The following ARHGAP42 variants were observed in gnomAD, a reference collection of about 807,000 sequenced individuals.
The protein encoded by ARHGAP42 is rho GTPase-activating protein 42.
ARHGAP42 carries 63 observed loss-of-function variants against 125.0 expected under a neutral mutation model. That is an observed-to-expected ratio of 0.50 (90% CI 0.41 to 0.62). The LOEUF is 0.62. Ranked by LOEUF, ARHGAP42 falls within the 20% of genes least tolerant of loss-of-function variation. The pLI, the probability that ARHGAP42 is intolerant of heterozygous loss-of-function variation, is 0.00. For synonymous variants in ARHGAP42, 339 were observed against 351.0 expected, an observed-to-expected ratio of 0.97 and a Z score of 0.38; for missense variants, 766 against 1,024.2, an observed-to-expected ratio of 0.75 and a Z score of 3.44.
rs1862847629 is a variant in ARHGAP42 at position 100,767,109 on chromosome 11, TCC to T, written c.155-3233_155-3232del. 2.0e-5 allele frequency among the ~76,000 whole-genome samples: 3 copies of T among 152,214 alleles called. No homozygotes were observed. In the South Asian group the frequency reaches 6.2e-4, roughly 32 times the overall value. ...GAGCACTTTCCAAGGTTATGTAAGC[TCC>T]AAGAGTTGCCATCTTCATAACTGAA... On this transcript the variant is annotated intron_variant, in intron 1 of 23. Coordinates refer to ENST00000298815, the MANE Select transcript of ARHGAP42 (RefSeq NM_152432.4).
At chr11:100,970,045 G>C (rs1858198660) in intron 17 of ARHGAP42, among the ~76,000 whole-genome samples, 1 of 151,900 alleles carries the variant, frequency 6.6e-6, no homozygotes, top group Non-Finnish European at 1.5e-5. Context: ...CTGGAGTGCA[G>C]TGGTACAATC....
intron 4 of ARHGAP42, among the ~76,000 whole-genome samples, chr11:100,867,869 T>C (rs887019246): frequency 4.6e-5 from 7 of 152,172 alleles, no homozygotes; most frequent in Non-Finnish European, 1.0e-4. Context: ...GAAGCCATTG[T>C]ACGGTTACTA....
chr11:100,968,565 C>A (rs1858158230), intron 17 of ARHGAP42, among the ~76,000 whole-genome samples: 1 of 152,090 alleles, frequency 6.6e-6, no homozygotes, highest in Non-Finnish European at 1.5e-5. Context: ...TCCCAACAAT[C>A]CATTGTTATA....
chr11:100,834,799 A>G (rs1030939672), intron 3 of ARHGAP42, among the ~76,000 whole-genome samples: 17 of 150,880 alleles, frequency 1.1e-4, no homozygotes, highest in Admixed American at 1.1e-3. Flanking sequence ...GCCATAATCC[A>G]TTATGGGGCC....
chr11:100,909,964 A>G (rs1343486685), intron 4 of ARHGAP42, among the ~76,000 whole-genome samples: 1 of 152,204 alleles, frequency 6.6e-6, no homozygotes, highest in African/African-American at 2.4e-5. Flanking sequence ...AGTTTGTGTT[A>G]CAGTAGTTTC....
intron 1 of ARHGAP42, among the ~76,000 whole-genome samples, chr11:100,688,411 T>C (rs887257865): frequency 1.3e-5 from 2 of 152,224 alleles, no homozygotes; most frequent in African/African-American, 4.8e-5. Context: ...GTCTTAGTTT[T>C]GGTTTGCATT....
chr11:100,807,633 C>T (rs1342237064), intron 3 of ARHGAP42, among the ~76,000 whole-genome samples: 2 of 152,182 alleles, frequency 1.3e-5, no homozygotes, highest in African/African-American at 4.8e-5. Flanking sequence ...TTGGGGCTTG[C>T]AGCTCATTGT....
intron 5 of ARHGAP42, among the ~76,000 whole-genome samples, chr11:100,913,772 A>G (rs142777496): frequency 7.9e-4 from 121 of 152,340 alleles, no homozygotes; most frequent in African/African-American, 2.7e-3. Context: ...AAAGGTTGAA[A>G]CAAGATCTTT....
chr11:100,691,273 T>C (rs529371057), intron 1 of ARHGAP42, among the ~76,000 whole-genome samples: 1 of 146,028 alleles, frequency 6.8e-6, no homozygotes, highest in African/African-American at 2.6e-5. Context: ...ATTTGAGCTG[T>C]GAAAAAGTAG....
At chr11:100,820,139 T>A (rs2135074598) in intron 3 of ARHGAP42, among the ~76,000 whole-genome samples, 1 of 152,294 alleles carries the variant, frequency 6.6e-6, no homozygotes, top group African/African-American at 2.4e-5. Context: ...TAATTACTAA[T>A]GGAGTGTGAT....
chr11:100,774,822 C>T (rs6590822), intron 2 of ARHGAP42, among the ~76,000 whole-genome samples: 4,520 of 152,286 alleles, frequency 0.03, 243 homozygotes, highest in African/African-American at 0.1. Flanking sequence ...TCTGTCCCAA[C>T]GCTTCACTGG....
intron 10 of ARHGAP42, among the ~76,000 whole-genome samples, chr11:100,945,885 C>A (rs906620900): frequency 3.3e-5 from 5 of 152,058 alleles, no homozygotes; most frequent in African/African-American, 1.2e-4. Context: ...TAACCTCTAA[C>A]AAGAGTCAGC....
chr11:100,872,640 G>A (rs532758640), intron 4 of ARHGAP42, among the ~76,000 whole-genome samples: 4 of 152,122 alleles, frequency 2.6e-5, no homozygotes, highest in East Asian at 3.9e-4. Flanking sequence ...TGATTTGTCC[G>A]CCTCAGCCTC....
intron 1 of ARHGAP42, among the ~76,000 whole-genome samples, chr11:100,727,896 A>G (rs1284558174): frequency 6.6e-6 from 1 of 152,160 alleles, no homozygotes; most frequent in African/African-American, 2.4e-5. Flanking sequence ...AGAAGTGTGG[A>G]TAACCTAAGG....
chr11:100,689,520 C>T (rs61908742), intron 1 of ARHGAP42, among the ~76,000 whole-genome samples: 22,273 of 152,182 alleles, frequency 0.15, 1,982 homozygotes, highest in Middle Eastern at 0.2. Flanking sequence ...CATTATATTA[C>T]GAGTGACATT....
At chr11:100,922,168 A>T (rs1363882247) in intron 6 of ARHGAP42, among the ~76,000 whole-genome samples, 1 of 152,206 alleles carries the variant, frequency 6.6e-6, no homozygotes, top group Non-Finnish European at 1.5e-5. Context: ...TGACCCATTT[A>T]GCAAATGTTT....
Position 100,973,468 on chromosome 11 carries a change from T to C in ARHGAP42, c.1710+134T>C. On this transcript the variant is annotated intron_variant, in intron 18 of 23. Coordinates refer to ENST00000298815, the MANE Select transcript of ARHGAP42 (RefSeq NM_152432.4). ...GGGGACTTCAGTTTTCTTTCCTTGT[T>C]GTTTTTAAGTGCTTCTCAAAATCCT... 6.8e-6 allele frequency: 6 copies of C among 888,224 alleles called. 1 individual carries two copies. Among genetic ancestry groups the C allele is most frequent in the Non-Finnish European group, 1.0e-5 (6 of 588,296 alleles). 55.0% of individuals were successfully genotyped at this position (888,224 alleles called of 1,614,324 possible).
intron 10 of ARHGAP42, among the ~76,000 whole-genome samples, chr11:100,947,270 G>A (rs1396423699): frequency 6.6e-6 from 1 of 151,792 alleles, no homozygotes; most frequent in Non-Finnish European, 1.5e-5. Context: ...TGCATAAAGA[G>A]GCTGTTAGTT....
chr11:100,777,502 C>A (rs1293801880), intron 2 of ARHGAP42, among the ~76,000 whole-genome samples: 1 of 152,040 alleles, frequency 6.6e-6, no homozygotes, highest in South Asian at 2.1e-4. Flanking sequence ...TTTGAAGATG[C>A]GTCTGTTAGG....
Sources: allele counts gnomAD v4.1 joint callset (sites outside exome capture counted in the v4.1 genomes callset), GRCh38; gene constraint gnomAD v4.1.1; transcripts MANE v1.5; gene names NCBI Gene and HGNC (gene_info 2026-07-23, HGNC 2026-07-21).